Variants in CACNB2 observed in about 807,000 individuals in gnomAD.
The protein encoded by CACNB2 is voltage-dependent L-type calcium channel subunit beta-2.
In CACNB2, 42 loss-of-function variants were observed where a neutral mutation model predicts 73.3. The ratio of observed to expected loss-of-function variants is 0.57; its 90% CI spans 0.45 to 0.74. The LOEUF (loss-of-function observed/expected upper bound fraction) is 0.74. Among genes scored for constraint, CACNB2 ranks in the 30% least tolerant of loss-of-function variants. The pLI, the probability that CACNB2 is intolerant of heterozygous loss-of-function variation, is 0.00. For missense variants in CACNB2, 940 were observed against 853.0 expected (o/e 1.10, Z -1.27); for synonymous variants, 348 against 310.3 (o/e 1.12, Z -1.28).
chr10:18,538,431 C>A, intron 13 of CACNB2, 66 bp downstream of exon 13: 1 of 1,435,582 alleles, frequency 7.0e-7, no homozygotes, highest in South Asian at 1.2e-5. Context: ...CCTATGGTGA[C>A]ACCTCTAGGA....
intron 2 of CACNB2, among the ~76,000 whole-genome samples, chr10:18,220,239 A>T (rs1460644499): frequency 1.7e-4 from 12 of 69,438 alleles, no homozygotes; most frequent in African/African-American, 9.8e-4. Context: ...ATATAGAGAG[A>T]GAGAGAGAGA....
chr10:18,388,436 C>T (rs1051226959), intron 2 of CACNB2, among the ~76,000 whole-genome samples: 1 of 152,108 alleles, frequency 6.6e-6, no homozygotes, highest in African/African-American at 2.4e-5. Context: ...GGGTTTGCTG[C>T]TTAAGGGATA....
chr10:18,201,500 C>T (rs112835307), intron 2 of CACNB2, among the ~76,000 whole-genome samples: 2,571 of 152,256 alleles, frequency 0.017, 67 homozygotes, highest in African/African-American at 0.056. Flanking sequence ...GTCTTGAACT[C>T]CTGACCTCAT....
chr10:18,298,255 G>T lies in CACNB2; in HGVS notation c.214-103669G>T, dbSNP rs182872413. 7.2e-5 allele frequency among the ~76,000 whole-genome samples: 11 copies of T among 152,100 alleles called. No individual in the cohort carries two copies. In the East Asian group the frequency reaches 2.1e-3, roughly 30 times the overall value. ...ATGGTGGTGGGCGCCTGTAACTCCA[G>T]CCACTCGGGAGGCTGAGGCAGGAGA... On this transcript the variant is annotated intron_variant, in intron 2 of 13. Coordinates refer to ENST00000324631, the MANE Select transcript of CACNB2 (RefSeq NM_201596.3).
chr10:18,251,257 T>G (rs973946336), intron 2 of CACNB2, among the ~76,000 whole-genome samples: 2 of 152,090 alleles, frequency 1.3e-5, no homozygotes, highest in African/African-American at 4.8e-5. Context: ...TTTTTTTTCT[T>G]TTTTTGAGAT....
At chr10:18,369,305 T>C (rs1245396290) in intron 2 of CACNB2, among the ~76,000 whole-genome samples, 4 of 152,234 alleles carry the variant, frequency 2.6e-5, no homozygotes, top group Admixed American at 2.0e-4. Flanking sequence ...TTTGTGCTAC[T>C]AATAATTTTT....
intron 2 of CACNB2, among the ~76,000 whole-genome samples, chr10:18,228,664 C>T (rs1196697730): frequency 6.6e-6 from 1 of 152,084 alleles, no homozygotes; most frequent in Non-Finnish European, 1.5e-5. Flanking sequence ...GGACAGATAT[C>T]ACTCAATGAC....
intron 3 of CACNB2, among the ~76,000 whole-genome samples, chr10:18,436,132 T>C (rs953134847): frequency 6.6e-6 from 1 of 152,250 alleles, no homozygotes; most frequent in African/African-American, 2.4e-5. Context: ...TGTTGGCTAT[T>C]ACCTTGAAAA....
chr10:18,220,251 A>G (rs1360259424), intron 2 of CACNB2, among the ~76,000 whole-genome samples: 1 of 115,862 alleles, frequency 8.6e-6, no homozygotes, highest in Non-Finnish European at 1.7e-5. Flanking sequence ...AGAGAGAGAG[A>G]GAGAGAGAGA....
chr10:18,377,491 A>G (rs937607613), intron 2 of CACNB2, among the ~76,000 whole-genome samples: 5 of 152,358 alleles, frequency 3.3e-5, no homozygotes, highest in Admixed American at 2.6e-4. Flanking sequence ...GCCATGAACA[A>G]TTCGTACAAG....
At chr10:18,250,525 ATCTC>A (rs1309282449) in intron 2 of CACNB2, among the ~76,000 whole-genome samples, 16 of 145,370 alleles carry the variant, frequency 1.1e-4, no homozygotes, top group Admixed American at 2.8e-4. Context: ...TGTCAATTTT[ATCTC>A]TCTCTTTTTT....
chr10:18,164,150 C>T (rs1053014481), intron 2 of CACNB2, among the ~76,000 whole-genome samples: 1 of 152,194 alleles, frequency 6.6e-6, no homozygotes, highest in African/African-American at 2.4e-5. Flanking sequence ...TGTGCAATCA[C>T]AATGTAAACA....
chr10:18,192,289 T>TTCAG (rs1554767608), intron 2 of CACNB2, among the ~76,000 whole-genome samples: 4 of 152,030 alleles, frequency 2.6e-5, no homozygotes, highest in African/African-American at 9.7e-5. Context: ...CATTCATTCA[T>TTCAG]GTATTATAAT....
At chr10:18,325,341 C>A (rs1404614041) in intron 2 of CACNB2, among the ~76,000 whole-genome samples, 3 of 151,952 alleles carry the variant, frequency 2.0e-5, no homozygotes, top group African/African-American at 7.3e-5. Context: ...AGGCATGCAC[C>A]ACCATGCCCA....
At chr10:18,473,296 A>C (rs1311650405) in intron 3 of CACNB2, among the ~76,000 whole-genome samples, 1 of 152,226 alleles carries the variant, frequency 6.6e-6, no homozygotes, top group African/African-American at 2.4e-5. Context: ...GGATAGGAGT[A>C]TTTCAATTCA....
At chr10:18,514,934 T>A in intron 7 of CACNB2, 1 of 1,344,568 alleles carries the variant, frequency 7.4e-7, no homozygotes, top group African/African-American at 1.4e-5. Context: ...AAAAAAAAAG[T>A]ATTCAAGTTT....
chr10:18,291,029 G>A (rs1274385634), intron 2 of CACNB2, among the ~76,000 whole-genome samples: 3 of 152,198 alleles, frequency 2.0e-5, no homozygotes, highest in Non-Finnish European at 4.4e-5. Context: ...CTGGTTGTTA[G>A]GATACCAGCC....
chr10:18,514,471 T>G, intron 7 of CACNB2, 102 bp downstream of exon 7: 1 of 1,613,844 alleles, frequency 6.2e-7, no homozygotes, highest in South Asian at 1.1e-5. Flanking sequence ...GCCAATAACG[T>G]GCATGCTCTG....
chr10:18,278,316 C>G (rs981125671), intron 2 of CACNB2, among the ~76,000 whole-genome samples: 2 of 151,944 alleles, frequency 1.3e-5, no homozygotes, highest in Non-Finnish European at 2.9e-5. Flanking sequence ...CCTATCTCTA[C>G]CCAGAAAAGA....
Sources: allele counts gnomAD v4.1 joint callset (sites outside exome capture counted in the v4.1 genomes callset), GRCh38; gene constraint gnomAD v4.1.1; transcripts MANE v1.5; gene names NCBI Gene and HGNC (gene_info 2026-07-23, HGNC 2026-07-21).